Variants in ZNF99 observed in about 807,000 individuals in gnomAD.
The protein encoded by ZNF99 is zinc finger protein 99.
ZNF99 carries 8 observed loss-of-function variants against 12.8 expected under a neutral mutation model. The ratio of observed to expected loss-of-function variants is 0.62; its 90% CI spans 0.37 to 1.13. The LOEUF (loss-of-function observed/expected upper bound fraction) is 1.13. Ranked by LOEUF, ZNF99 falls within the 50% of genes most tolerant of loss-of-function variation. The pLI is 0.02. For missense variants in ZNF99, 1,007 were observed against 1,006.2 expected, an observed-to-expected ratio of 1.00 and a Z score of -0.01; for synonymous variants, 318 against 319.0, an observed-to-expected ratio of 1.00 and a Z score of 0.03.
rs1342238083 is a variant in ZNF99, at chr19:22,754,512, T to G, written c.*2802A>C. ...TTATAAAATTTATCTTCTGTATGAA[T>G]TCTCTTATATTTAGTATGAGTTGAA... is the stretch of plus-strand genomic sequence containing the variant. On this transcript the variant is annotated 3_prime_UTR_variant, in exon 4 of 4. Transcript: ENST00000596209. 7.0e-6 allele frequency: 3 copies of G among 425,664 alleles called. No homozygotes were observed. Among genetic ancestry groups the G allele is most frequent in the Non-Finnish European group, 1.4e-5 (3 of 216,822 alleles). 26.4% of individuals were successfully genotyped at this position (425,664 alleles called of 1,614,324 possible).
chr19:22,757,268 G>A lies in ZNF99; in HGVS notation c.*46C>T, dbSNP rs1973075726. The A allele has an allele frequency of 6.2e-7, 1 of 1,611,208 alleles. No individual in the cohort carries two copies. The highest frequency in any genetic ancestry group is 1.1e-5 in the South Asian group (1 of 91,034). On this transcript the variant is annotated 3_prime_UTR_variant, in exon 4 of 4. Coordinates refer to ENST00000596209, the MANE Select transcript of ZNF99 (RefSeq NM_001080409.3). ...CCTAAGGGTTGAGGAATTGTTAAAAGCTTTGCCACATTCTTCACATTTGTA... is the reference window on the plus strand; with the variant it reads ...CCTAAGGGTTGAGGAATTGTTAAAAACTTTGCCACATTCTTCACATTTGTA...
In ZNF99 at chr19:22,758,257, G is replaced by T. The variant is rs776234161; in HGVS notation, c.1652C>A (p.Thr551Asn). ...ECGKAFNNSSTLMKHKIIHTG... is the reference protein window; with the variant it reads ...ECGKAFNNSSNLMKHKIIHTG... ...ATGAATTATCTTATGTTTCATAAGG[G>T]TTGAGGAATTGTTAAAAGCTTTGCC... Residue 551 changes from threonine (T) to asparagine (N), a missense_variant, in exon 4 of 4, where the codon ACC becomes AAC. By Grantham distance (65) the Thr-to-Asn change is moderately conservative. Transcript: ENST00000596209. 2.5e-6 allele frequency: 4 copies of T among 1,599,782 alleles called. No homozygotes were observed. The South Asian group carries it at 4.4e-5, about 18-fold the overall frequency.
In ZNF99 at chr19:22,755,387, T is replaced by A; in HGVS notation, c.*1927A>T. 3.4e-6 allele frequency: 1 copy of A among 293,200 alleles called. No individual in the cohort carries two copies. Among genetic ancestry groups the A allele is most frequent in the Non-Finnish European group, 7.0e-6 (1 of 142,118 alleles). The allele number at this position is 293,200 out of a possible 1,614,324, so 18.2% of individuals were successfully genotyped here. On this transcript the variant is annotated 3_prime_UTR_variant, in exon 4 of 4. Coordinates refer to ENST00000596209, the MANE Select transcript of ZNF99 (RefSeq NM_001080409.3). ...TCATATTTGTAGGGTTTCTCTTCAG[T>A]ATGAATTATCTTATGTTCAGTAAGG...
chr19:22,773,576 G>A (rs1373272400), intron 1 of ZNF99, among the ~76,000 whole-genome samples: 20 of 152,198 alleles, frequency 1.3e-4, no homozygotes, highest in Admixed American at 1.3e-3. Context: ...CATGAAAGGA[G>A]GTAATTTTGC....
At chr19:22,762,596 C>T (rs1973162455) in intron 3 of ZNF99, among the ~76,000 whole-genome samples, 2 of 152,072 alleles carry the variant, frequency 1.3e-5, no homozygotes, top group Non-Finnish European at 2.9e-5. Context: ...GACACTATTC[C>T]ATAAGATAGA....
Position 22,775,282 on chromosome 19 carries a change from T to C in ZNF99, c.4-5958A>G, listed in dbSNP as rs570674951. On this transcript the variant is annotated intron_variant, in intron 1 of 3. Coordinates refer to ENST00000596209, the MANE Select transcript of ZNF99 (RefSeq NM_001080409.3). ...CACAGACCTAAAACCACCTGATCTT[T>C]GACAAAACTAATAAGAGGAATGTGG... is the stretch of plus-strand genomic sequence containing the variant. Among the ~76,000 whole-genome samples the C allele has an allele frequency of 2.0e-5, 3 of 152,260 alleles. No individual in the cohort carries two copies. The East Asian group carries it at 5.8e-4, about 29-fold the overall frequency.
Position 22,757,444 on chromosome 19 carries a change from C to T in ZNF99, c.2465G>A (p.Cys822Tyr). ...TGEKSYKCEE[C>Y]GKAFQWSSKL... ...TGAGGACCACTGAAAAGCTTTACCA[C>T]ATTCTTCACATTTGTAGGATTTCTC... The change falls in exon 4 of 4, where the codon TGT (cysteine) becomes TAT (tyrosine). Residue 822 changes from cysteine to tyrosine, a missense_variant. Physicochemically the swap from Cys to Tyr is radical, Grantham distance 194. Transcript: ENST00000596209. 6.2e-7 allele frequency: 1 copy of T among 1,610,092 alleles called. No homozygotes were observed. Among genetic ancestry groups the T allele is most frequent in the Non-Finnish European group, 8.5e-7 (1 of 1,179,514 alleles).
chr19:22,758,216 A>C lies in ZNF99; in HGVS notation c.1693T>G (p.Tyr565Asp). 2 of 1,613,698 alleles carry C rather than the reference A, an allele frequency of 1.2e-6. No homozygotes were observed. Among genetic ancestry groups the C allele is most frequent in the Non-Finnish European group, 1.7e-6 (2 of 1,179,796 alleles). The change falls in exon 4 of 4, where the codon TAC becomes GAC. Residue 565 changes from tyrosine to aspartate, a missense_variant. Physicochemically the swap from Tyr to Asp is radical, Grantham distance 160 (BLOSUM62 -3). Coordinates refer to ENST00000596209, the MANE Select transcript of ZNF99 (RefSeq NM_001080409.3). Reference sequence around the variant, plus strand: ...GCTTTGCCACATTCTTCACATTTGTATGGTTTCTTCCCAGTATGAATTATC... The same window carrying C: ...GCTTTGCCACATTCTTCACATTTGTCTGGTTTCTTCCCAGTATGAATTATC... ...HKIIHTGKKP[Y>D]KCEECGKAFK... is the part of the protein sequence containing the mutation.
At chr19:22,764,629 A>T (rs1973185385) in intron 3 of ZNF99, among the ~76,000 whole-genome samples, 1 of 147,842 alleles carries the variant, frequency 6.8e-6, no homozygotes, top group Admixed American at 6.6e-5. Context: ...GCACTCAAAC[A>T]AATCAGCAAG....
chr19:22,756,821 T>A lies in ZNF99; in HGVS notation c.*493A>T, dbSNP rs1203131463. Reference sequence around the variant, plus strand: ...TTCTTTCCAGTATAATTATCTCATGTTTTCTAAGGGCTGAGAAATGCTTAA... The same window carrying A: ...TTCTTTCCAGTATAATTATCTCATGATTTCTAAGGGCTGAGAAATGCTTAA... On this transcript the variant is annotated 3_prime_UTR_variant, in exon 4 of 4. Transcript: ENST00000596209. 6.2e-7 allele frequency: 1 copy of A among 1,611,534 alleles called. No homozygotes were observed. Among genetic ancestry groups the A allele is most frequent in the Non-Finnish European group, 8.5e-7 (1 of 1,179,014 alleles).
intron 1 of ZNF99, among the ~76,000 whole-genome samples, chr19:22,778,899 C>T (rs1484381374): frequency 6.6e-6 from 1 of 151,878 alleles, no homozygotes; most frequent in East Asian, 1.9e-4. Flanking sequence ...CCCAGCTACT[C>T]AGGAGGCTGA....
Position 22,758,026 on chromosome 19 carries a change from T to C in ZNF99, c.1883A>G (p.Lys628Arg), listed in dbSNP as rs1449736076. The change falls in exon 4 of 4, where the codon AAA becomes AGA. Residue 628 changes from lysine to arginine, a missense_variant. By Grantham distance (26) the Lys-to-Arg change is conservative (BLOSUM62 2). Transcript: ENST00000596209. ...KKPYKCEECG[K>R]AFSQSSTLRK... ...AAGGGTTGAGGACTGGCTAAAAGCT[T>C]TGCCACATTCTTCACATTTGTAGGG... 1.9e-6 allele frequency: 3 copies of C among 1,609,938 alleles called. No individual in the cohort carries two copies. Among genetic ancestry groups the C allele is most frequent in the African/African-American group, 2.7e-5 (2 of 74,780 alleles).
chr19:22,762,195 A>G (rs1973157659), intron 3 of ZNF99, among the ~76,000 whole-genome samples: 1 of 152,142 alleles, frequency 6.6e-6, no homozygotes, highest in South Asian at 2.1e-4. Flanking sequence ...GATAAATAAA[A>G]CAAAAACCTG....
In ZNF99 at chr19:22,784,045, C is replaced by G; in HGVS notation, c.-29G>C. 1 of 1,613,462 alleles carries G rather than the reference C, an allele frequency of 6.2e-7. No individual in the cohort carries two copies. The highest frequency in any genetic ancestry group is 2.2e-5 in the East Asian group (1 of 44,844). On this transcript the variant is annotated 5_prime_UTR_variant, in exon 1 of 4. Transcript: ENST00000596209. The stretch of plus-strand genomic sequence containing the variant: ...TAAGCTTCCAGGGGGTCCTGGCGTC[C>G]TAGCTGTGGATCTCCAAATACCTAC...
chr19:22,775,963 A>G (rs1474275851), intron 1 of ZNF99, among the ~76,000 whole-genome samples: 1 of 152,174 alleles, frequency 6.6e-6, no homozygotes, highest in Non-Finnish European at 1.5e-5. Context: ...CAGAGGTTGC[A>G]GTGTGCCGAG....
At chr19:22,776,005 A>G (rs1284232395) in intron 1 of ZNF99, among the ~76,000 whole-genome samples, 1 of 151,268 alleles carries the variant, frequency 6.6e-6, no homozygotes, top group Non-Finnish European at 1.5e-5. Context: ...CTAGGCAACA[A>G]GAGTGAAACT....
chr19:22,768,290 T>C lies in ZNF99; in HGVS notation c.226+15A>G. 3 of 1,613,604 alleles carry C rather than the reference T, an allele frequency of 1.9e-6. No homozygotes were observed. The highest frequency in any genetic ancestry group is 2.5e-6 in the Non-Finnish European group (3 of 1,179,588). ...CCTCTTATTTGTGTTGTTTCTTGTA[T>C]TCACTCTCACATACCTGGGGGTTTA... On this transcript the variant is annotated intron_variant, in intron 3 of 3. Coordinates refer to ENST00000596209, the MANE Select transcript of ZNF99 (RefSeq NM_001080409.3).
chr19:22,769,029 C>CA (rs34074141), intron 2 of ZNF99, among the ~76,000 whole-genome samples, 169 bp downstream of exon 2: 24,042 of 105,894 alleles, frequency 0.23, 2,309 homozygotes, highest in African/African-American at 0.35. Context: ...AACTCTGTTT[C>CA]AAAAAAAAAA....
intron 1 of ZNF99, among the ~76,000 whole-genome samples, chr19:22,782,365 C>CT (rs893117659): frequency 1.4e-4 from 21 of 144,864 alleles, no homozygotes; most frequent in East Asian, 1.4e-3. Context: ...TTTTTTTTTT[C>CT]TTTTTTTTTA....
Sources: allele counts gnomAD v4.1 joint callset (sites outside exome capture counted in the v4.1 genomes callset), GRCh38; gene constraint gnomAD v4.1.1; transcripts MANE v1.5; gene names NCBI Gene and HGNC (gene_info 2026-07-23, HGNC 2026-07-21).